AUTS2: variants seen among roughly 807,000 people sequenced by gnomAD.
AUTS2 encodes the protein activator of transcription and developmental regulator AUTS2, also known as autism susceptibility gene 2 protein.
In AUTS2, 17 loss-of-function variants were observed where a neutral mutation model predicts 112.4. The ratio of observed to expected loss-of-function variants is 0.15; its 90% CI spans 0.10 to 0.23. AUTS2 has a LOEUF of 0.23. Ranked by LOEUF, AUTS2 falls within the 10% of genes least tolerant of loss-of-function variation. The pLI is 1.00. For synonymous variants in AUTS2, 751 were observed against 702.7 expected, an observed-to-expected ratio of 1.07 and a Z score of -1.09; for missense variants, 1,510 against 1,701.6, an observed-to-expected ratio of 0.89 and a Z score of 1.98.
intron 4 of AUTS2, among the ~76,000 whole-genome samples, chr7:70,169,695 A>G (rs1281499085): frequency 1.3e-5 from 2 of 152,210 alleles, no homozygotes. Context: ...AGGTTTCATG[A>G]AATATATTCA....
chr7:70,104,291 G>A (rs921933253), intron 2 of AUTS2, among the ~76,000 whole-genome samples: 6 of 151,492 alleles, frequency 4.0e-5, no homozygotes, highest in African/African-American at 1.5e-4. Context: ...TAGAAAATTG[G>A]GTCTGTTCTT....
intron 5 of AUTS2, among the ~76,000 whole-genome samples, chr7:70,557,230 G>A (rs1452764226): frequency 2.6e-5 from 4 of 152,120 alleles, no homozygotes; most frequent in South Asian, 2.1e-4. Flanking sequence ...TGAACCTGCC[G>A]GATGCACAAT....
intron 5 of AUTS2, among the ~76,000 whole-genome samples, chr7:70,687,703 C>T (rs546425153): frequency 2.6e-5 from 4 of 152,086 alleles, no homozygotes; most frequent in Admixed American, 2.0e-4. Flanking sequence ...TACAGCAGTA[C>T]GAGCATGAGC....
chr7:69,757,614 A>C (rs1787994043), intron 1 of AUTS2, among the ~76,000 whole-genome samples: 1 of 152,076 alleles, frequency 6.6e-6, no homozygotes, highest in African/African-American at 2.4e-5. Flanking sequence ...CTTTATTTTG[A>C]TTTTAGTGTG....
intron 1 of AUTS2, among the ~76,000 whole-genome samples, chr7:69,840,683 G>T (rs1241009089): frequency 6.6e-6 from 1 of 152,138 alleles, no homozygotes; most frequent in Non-Finnish European, 1.5e-5. Flanking sequence ...TGGGAGGAGA[G>T]AAAGAGACAG....
intron 1 of AUTS2, among the ~76,000 whole-genome samples, chr7:69,788,777 A>T (rs951091211): frequency 6.6e-6 from 1 of 151,998 alleles, no homozygotes; most frequent in African/African-American, 2.4e-5. Context: ...AATTAAAAAA[A>T]AAAAAAGACA....
intron 6 of AUTS2, chr7:70,729,071 G>C: frequency 2.3e-6 from 1 of 439,510 alleles, no homozygotes; most frequent in Admixed American, 2.4e-5. Context: ...GTGAAAGCTA[G>C]AGCTGCTCTG....
At chr7:70,375,183 G>T (rs1347879081) in intron 4 of AUTS2, among the ~76,000 whole-genome samples, 2 of 152,168 alleles carry the variant, frequency 1.3e-5, no homozygotes, top group Non-Finnish European at 2.9e-5. Flanking sequence ...GTTAAATGTT[G>T]AAATGCTTGT....
intron 14 of AUTS2, among the ~76,000 whole-genome samples, chr7:70,777,864 T>A (rs927628100): frequency 6.6e-6 from 1 of 152,128 alleles, no homozygotes; most frequent in African/African-American, 2.4e-5. Context: ...CAAATGAATG[T>A]TGGGTTTGGG....
chr7:70,543,826 A>T (rs1187100806), intron 5 of AUTS2, among the ~76,000 whole-genome samples: 1 of 152,214 alleles, frequency 6.6e-6, no homozygotes, highest in African/African-American at 2.4e-5. Context: ...GTAGTAGGCC[A>T]GTGGCAAAGA....
intron 5 of AUTS2, among the ~76,000 whole-genome samples, chr7:70,451,908 C>A (rs1796549155): frequency 6.6e-6 from 1 of 152,190 alleles, no homozygotes; most frequent in Non-Finnish European, 1.5e-5. Context: ...GGCCACCCAG[C>A]AGCAGCCAGG....
chr7:69,979,396 A>G (rs1036104765), intron 2 of AUTS2, among the ~76,000 whole-genome samples: 1 of 152,358 alleles, frequency 6.6e-6, no homozygotes, highest in South Asian at 2.1e-4. Context: ...TAGACCATTC[A>G]TAGTTTTGAC....
intron 4 of AUTS2, among the ~76,000 whole-genome samples, chr7:70,193,445 G>A (rs1252931520): frequency 1.3e-5 from 2 of 152,174 alleles, no homozygotes; most frequent in East Asian, 3.9e-4. Context: ...TGCATTAAAA[G>A]AGACCCCTGC....
At chr7:70,180,213 A>G (rs1469161192) in intron 4 of AUTS2, among the ~76,000 whole-genome samples, 1 of 152,200 alleles carries the variant, frequency 6.6e-6, no homozygotes, top group Non-Finnish European at 1.5e-5. Flanking sequence ...GTAAGAAGAA[A>G]AATATGAAAG....
intron 4 of AUTS2, among the ~76,000 whole-genome samples, chr7:70,162,923 T>G (rs1297131847): frequency 6.6e-6 from 1 of 152,182 alleles, no homozygotes; most frequent in African/African-American, 2.4e-5. Context: ...TAAGAAATAA[T>G]TTCATGATAC....
At chr7:70,192,806 G>T (rs780285042) in intron 4 of AUTS2, among the ~76,000 whole-genome samples, 2 of 152,166 alleles carry the variant, frequency 1.3e-5, no homozygotes, top group Non-Finnish European at 2.9e-5. Flanking sequence ...CTGATGCTTC[G>T]AATGGAATTT....
intron 7 of AUTS2, among the ~76,000 whole-genome samples, chr7:70,764,507 C>G (rs751324950): frequency 6.6e-6 from 1 of 151,986 alleles, no homozygotes; most frequent in Non-Finnish European, 1.5e-5. Flanking sequence ...TGAGCTGTCT[C>G]GACACCAAGA....
intron 1 of AUTS2, among the ~76,000 whole-genome samples, chr7:69,644,006 A>G (rs1794912041): frequency 6.6e-6 from 1 of 152,138 alleles, no homozygotes; most frequent in Non-Finnish European, 1.5e-5. Context: ...AGAGAAAGTG[A>G]CCATCTACAA....
intron 3 of AUTS2, among the ~76,000 whole-genome samples, chr7:70,128,998 A>G (rs1806126727): frequency 6.6e-6 from 1 of 152,178 alleles, no homozygotes; most frequent in Non-Finnish European, 1.5e-5. Context: ...TTAATTAGGT[A>G]CATCTAAAAA....
Sources: allele counts gnomAD v4.1 joint callset (sites outside exome capture counted in the v4.1 genomes callset), GRCh38; gene constraint gnomAD v4.1.1; transcripts MANE v1.5; gene names NCBI Gene and HGNC (gene_info 2026-07-23, HGNC 2026-07-21).